The following JAZF1 variants were observed in gnomAD, a reference collection of about 807,000 sequenced individuals.
The protein encoded by JAZF1 is JAZF zinc finger 1.
In JAZF1, 8 loss-of-function variants were observed where a neutral mutation model predicts 26.4. That is an observed-to-expected ratio of 0.30 (90% CI 0.18 to 0.55). The LOEUF (loss-of-function observed/expected upper bound fraction) is 0.55. Ranked by LOEUF, JAZF1 falls within the 20% of genes least tolerant of loss-of-function variation. JAZF1 has a pLI of 0.94. For missense variants in JAZF1, 199 were observed against 322.0 expected (o/e 0.62, Z 2.92); for synonymous variants, 126 against 122.3 (o/e 1.03, Z -0.20).
At chr7:28,101,825 CAAAT>C (rs762497827) in intron 1 of JAZF1, among the ~76,000 whole-genome samples, 77 of 151,996 alleles carry the variant, frequency 5.1e-4, no homozygotes, top group Non-Finnish European at 8.5e-4. Context: ...AACAAACAAA[CAAAT>C]AAACAAAAAC....
At chr7:27,905,023 T>A (rs1160183028) in intron 2 of JAZF1, among the ~76,000 whole-genome samples, 2 of 152,200 alleles carry the variant, frequency 1.3e-5, no homozygotes, top group Non-Finnish European at 2.9e-5. Context: ...AGCCTTGACC[T>A]CCTGGGCTCA....
At chr7:27,957,345 T>C (rs892671559) in intron 2 of JAZF1, among the ~76,000 whole-genome samples, 1 of 152,186 alleles carries the variant, frequency 6.6e-6, no homozygotes, top group African/African-American at 2.4e-5. Context: ...TTTTATTTTA[T>C]AGGATATGAT....
At chr7:28,012,071 T>C (rs1443128125) in intron 1 of JAZF1, among the ~76,000 whole-genome samples, 1 of 152,244 alleles carries the variant, frequency 6.6e-6, no homozygotes, top group East Asian at 1.9e-4. Context: ...TTGTAAATAA[T>C]GTTCACCATC....
At chr7:28,158,005 G>A (rs1018605567) in intron 1 of JAZF1, among the ~76,000 whole-genome samples, 2 of 151,990 alleles carry the variant, frequency 1.3e-5, no homozygotes, top group Admixed American at 1.3e-4. Context: ...ATTGCCCAAT[G>A]TCTATTCTCT....
At chr7:28,001,766 G>A (rs1451958197) in intron 1 of JAZF1, among the ~76,000 whole-genome samples, 1 of 150,774 alleles carries the variant, frequency 6.6e-6, no homozygotes, top group East Asian at 2.0e-4. Flanking sequence ...GTATAAACTG[G>A]TATGGCCCAT....
chr7:28,059,996 C>A (rs1390821212), intron 1 of JAZF1, among the ~76,000 whole-genome samples: 1 of 152,142 alleles, frequency 6.6e-6, no homozygotes, highest in African/African-American at 2.4e-5. Context: ...AAAATTCACT[C>A]TTCTCCTTGT....
chr7:27,845,972 GA>G (rs1269858340), intron 3 of JAZF1, among the ~76,000 whole-genome samples: 2 of 151,882 alleles, frequency 1.3e-5, no homozygotes, highest in Non-Finnish European at 2.9e-5. Flanking sequence ...AAACAAAACA[GA>G]AAAAACCCGT....
At chr7:28,151,744 T>C (rs1018022359) in intron 1 of JAZF1, among the ~76,000 whole-genome samples, 1 of 151,864 alleles carries the variant, frequency 6.6e-6, no homozygotes, top group Non-Finnish European at 1.5e-5. Context: ...TGAGCCGAGA[T>C]CATGCCATTG....
At chr7:28,035,313 C>CAAAAAAAAAAAAAAAAAAAAAAAAAAA (rs201602870) in intron 1 of JAZF1, among the ~76,000 whole-genome samples, 2 of 27,456 alleles carry the variant, frequency 7.3e-5, no homozygotes, top group Middle Eastern at 0.029. Flanking sequence ...GACTCCATCT[C>CAAAAAAAAAAAAAAAAAAAAAAAAAAA]AAAAAAAAAA....
rs1190591084 is a variant in JAZF1 at position 28,055,136 on chromosome 7, G to C, written c.116-63155C>G. Among the ~76,000 whole-genome samples the C allele has an allele frequency of 5.3e-5, 8 of 151,700 alleles. No homozygotes were observed. In the East Asian group the frequency reaches 1.6e-3, roughly 30 times the overall value. On this transcript the variant is annotated intron_variant, in intron 1 of 4. Coordinates refer to ENST00000283928, the MANE Select transcript of JAZF1 (RefSeq NM_175061.4). Reference sequence around the variant, plus strand: ...TAGACTTACTAAATGACAGAGGATGGCTCCAATTCATTCCTTTCAGGTGTT... The same window carrying C: ...TAGACTTACTAAATGACAGAGGATGCCTCCAATTCATTCCTTTCAGGTGTT...
intron 1 of JAZF1, among the ~76,000 whole-genome samples, chr7:28,015,352 C>G (rs1583510027): frequency 6.6e-6 from 1 of 152,008 alleles, no homozygotes; most frequent in Admixed American, 6.6e-5. Context: ...ACGAAGAAAT[C>G]TGAATAAAGA....
At chr7:27,919,002 A>C (rs1242612399) in intron 2 of JAZF1, among the ~76,000 whole-genome samples, 1 of 152,216 alleles carries the variant, frequency 6.6e-6, no homozygotes, top group Non-Finnish European at 1.5e-5. Flanking sequence ...CTTTGTCTTC[A>C]GATTTGTGCT....
At chr7:27,941,811 G>C (rs959605999) in intron 2 of JAZF1, among the ~76,000 whole-genome samples, 10 of 152,188 alleles carry the variant, frequency 6.6e-5, no homozygotes, top group African/African-American at 2.4e-4. Flanking sequence ...CTTGTGGCCT[G>C]TCCAGCAGGA....
At chr7:27,892,801 C>A (rs1783993919) in intron 3 of JAZF1, among the ~76,000 whole-genome samples, 1 of 152,226 alleles carries the variant, frequency 6.6e-6, no homozygotes, top group Admixed American at 6.5e-5. Context: ...CCTCTAGAAG[C>A]ATGACCTTGA....
chr7:28,154,674 G>C (rs1783153768), intron 1 of JAZF1, among the ~76,000 whole-genome samples: 1 of 151,394 alleles, frequency 6.6e-6, no homozygotes, highest in Admixed American at 6.6e-5. Flanking sequence ...AGCAACCTTA[G>C]GCTGCTGCTG....
At chr7:28,009,357 T>G (rs954458217) in intron 1 of JAZF1, among the ~76,000 whole-genome samples, 8 of 152,202 alleles carry the variant, frequency 5.3e-5, no homozygotes, top group Non-Finnish European at 1.0e-4. Flanking sequence ...TACAGTATTT[T>G]TGATGCAACT....
rs149500626 is a variant in JAZF1, at chr7:28,058,473, C to G, written c.116-66492G>C. Among the ~76,000 whole-genome samples, 757 of 152,194 alleles carry G rather than the reference C, an allele frequency of 5.0e-3. 6 individuals carry two copies. Among genetic ancestry groups the G allele is most frequent in the African/African-American group, 0.018 (738 of 41,542 alleles). On this transcript the variant is annotated intron_variant, in intron 1 of 4. Transcript: ENST00000283928. ...GGCCACTGCTTCACTGATTCTACCC[C>G]CCAGTCTCCTACAAGTTCATCTTTT...
intron 3 of JAZF1, among the ~76,000 whole-genome samples, chr7:27,849,756 C>CAG (rs200915594): frequency 0.23 from 33,062 of 145,186 alleles, 3,959 homozygotes; most frequent in Middle Eastern, 0.28. Context: ...CACACAGACA[C>CAG]ACACACACAC....
At chr7:27,944,402 C>T (rs1213560231) in intron 2 of JAZF1, among the ~76,000 whole-genome samples, 2 of 152,188 alleles carry the variant, frequency 1.3e-5, no homozygotes, top group South Asian at 2.1e-4. Flanking sequence ...TGCCATTTGG[C>T]TTCCTATTTT....
Sources: gnomAD v4.1 joint callset for allele counts (sites outside exome capture counted in the v4.1 genomes callset) on GRCh38, gnomAD v4.1.1 for gene constraint, MANE v1.5 for transcripts, NCBI Gene and HGNC (gene_info 2026-07-23, HGNC 2026-07-21) for gene names.